Variants in RPL7L1 observed in about 807,000 individuals in gnomAD.
RPL7L1 encodes the protein ribosomal protein L7 like 1, also known as ribosomal protein uL30-like.
Under a neutral mutation model 30.3 loss-of-function variants are expected in RPL7L1, and 20 were observed. The observed-to-expected ratio is 0.66, with a 90% CI of 0.46 to 0.96. RPL7L1 has a LOEUF of 0.96. Ranked by LOEUF, RPL7L1 falls within the 40% of genes least tolerant of loss-of-function variation. The pLI, the probability that RPL7L1 is intolerant of heterozygous loss-of-function variation, is 0.00. For missense variants in RPL7L1, 271 were observed against 314.9 expected (o/e 0.86, Z 1.05); for synonymous variants, 107 against 110.1 (o/e 0.97, Z 0.18).
intron 1 of RPL7L1, 21 bp from the exon 2 acceptor site, chr6:42,880,840 G>C: frequency 7.3e-7 from 1 of 1,368,748 alleles, no homozygotes; most frequent in Non-Finnish European, 1.0e-6. Context: ...TGTTATCTCT[G>C]ATCTCAATTT....
chr6:42,885,795 A>T, intron 4 of RPL7L1, 179 bp from the exon 5 acceptor site: 2 of 543,040 alleles, frequency 3.7e-6, no homozygotes, highest in South Asian at 5.1e-5. Flanking sequence ...AAGTGGGGTC[A>T]CTTCAGTTCT....
rs1158971929 is a variant in RPL7L1, at chr6:42,886,001, A to G, written c.477A>G (p.Glu159=). ...TTCCAAATCTGAAGTCTGTCCGAGAACTCATTTTGAAACGTGGACAAGCCA... is the reference window on the plus strand; with the variant it reads ...TTCCAAATCTGAAGTCTGTCCGAGAGCTCATTTTGAAACGTGGACAAGCCA... ...WGFPNLKSVR[E]LILKRGQAKV... The change falls in exon 5 of 6, where the codon GAA becomes GAG. Residue 159 remains glutamate, a synonymous_variant. Coordinates refer to ENST00000493763, the MANE Select transcript of RPL7L1 (RefSeq NM_001366481.3). 1 of 1,607,930 alleles carries G rather than the reference A, an allele frequency of 6.2e-7. No homozygotes were observed. The highest frequency in any genetic ancestry group is 8.5e-7 in the Non-Finnish European group (1 of 1,175,822).
intron 3 of RPL7L1, 131 bp downstream of exon 3, chr6:42,883,745 A>G: frequency 1.5e-6 from 1 of 663,552 alleles, no homozygotes; most frequent in Non-Finnish European, 2.5e-6. Context: ...AGGGTTGAGC[A>G]CAATTTAGTC....
Position 42,879,961 on chromosome 6 carries a change from T to C in RPL7L1, c.41+10T>C. Reference sequence around the variant, plus strand: ...AGATGGCGGAGCAAGAGTGAGTGTTTGGGGCTTTGAATATCTGGAGTGGGG... The same window carrying C: ...AGATGGCGGAGCAAGAGTGAGTGTTCGGGGCTTTGAATATCTGGAGTGGGG... On this transcript the variant is annotated intron_variant, in intron 1 of 5. Transcript: ENST00000493763. The C allele has an allele frequency of 6.2e-7, 1 of 1,614,014 alleles. No individual in the cohort carries two copies. The highest frequency in any genetic ancestry group is 1.1e-5 in the South Asian group (1 of 91,084).
At position 42,879,876 on chromosome 6, in the gene RPL7L1, G is replaced by T; in HGVS notation, c.-35G>T. ...ACGTCTCTATGGTCAAGTAAACAGA[G>T]CGTGTGCTGTCTTCCCCATGTGGTG... On this transcript the variant is annotated 5_prime_UTR_variant, in exon 1 of 6. Coordinates refer to ENST00000493763, the MANE Select transcript of RPL7L1 (RefSeq NM_001366481.3). 6.2e-7 allele frequency: 1 copy of T among 1,611,552 alleles called. No individual in the cohort carries two copies. Among genetic ancestry groups the T allele is most frequent in the East Asian group, 2.2e-5 (1 of 44,860 alleles).
chr6:42,882,555 T>C (rs545277882), intron 2 of RPL7L1: 1 of 147,730 alleles, frequency 6.8e-6, no homozygotes, highest in African/African-American at 2.5e-5. Flanking sequence ...ATTGTGCCAC[T>C]GCACTCCAGC....
At position 42,886,095 on chromosome 6, in the gene RPL7L1, A is replaced by G. The variant is rs754322431; in HGVS notation, c.559+12A>G. 3.4e-6 allele frequency: 5 copies of G among 1,485,948 alleles called. No homozygotes were observed. Among genetic ancestry groups the G allele is most frequent in the East Asian group, 2.3e-5 (1 of 44,342 alleles). 92.0% of individuals were successfully genotyped at this position (1,485,948 alleles called of 1,614,324 possible). On this transcript the variant is annotated intron_variant, in intron 5 of 5. Transcript: ENST00000493763. ...TGAGGAGCACCTGGGTGAGTGCTAC[A>G]GCTTAGGGATCAGCTGGGGCAGAAA... is the stretch of plus-strand genomic sequence containing the variant.
Position 42,887,144 on chromosome 6 carries a change from G to A in RPL7L1, c.*680G>A, listed in dbSNP as rs1415861683. 1 of 152,136 alleles carries A rather than the reference G, an allele frequency of 6.6e-6. No individual in the cohort carries two copies. Among genetic ancestry groups the A allele is most frequent in the Non-Finnish European group, 1.5e-5 (1 of 68,042 alleles). The allele number at this position is 152,136 out of a possible 1,614,324, so 9.4% of individuals were successfully genotyped here. On this transcript the variant is annotated 3_prime_UTR_variant, in exon 6 of 6. Transcript: ENST00000493763. ...CTCTTTGAAATTACTTTTTATTGCT[G>A]TTGTCATACTCTTAGGTGCCAAACT...
At position 42,887,298 on chromosome 6, in the gene RPL7L1, G is replaced by A. The variant is rs1448771985; in HGVS notation, c.*834G>A. On this transcript the variant is annotated 3_prime_UTR_variant, in exon 6 of 6. Coordinates refer to ENST00000493763, the MANE Select transcript of RPL7L1 (RefSeq NM_001366481.3). The stretch of plus-strand genomic sequence containing the variant: ...GGAAAGGGTCAAAGAAAAGACAGTA[G>A]CTGGCCGGTCGTGGTGGCTCATGCC... 6.6e-6 allele frequency: 1 copy of A among 152,084 alleles called. No homozygotes were observed. The highest frequency in any genetic ancestry group is 2.4e-5 in the African/African-American group (1 of 41,414). The allele number at this position is 152,084 out of a possible 1,614,324, so 9.4% of individuals were successfully genotyped here. A position where few individuals can be genotyped will look rare whatever the true frequency, so the allele number is the denominator to read the frequency against.
Position 42,889,664 on chromosome 6 carries a change from TAC to T in RPL7L1, c.*3202_*3203del, listed in dbSNP as rs1331940827. ...AGCTCTGTCTTACACTAAATATGGG[TAC>T]AGTGTTTCCACTCTGTCCATAAAAT... On this transcript the variant is annotated 3_prime_UTR_variant, in exon 6 of 6. Transcript: ENST00000493763. 1.3e-5 allele frequency: 2 copies of T among 152,432 alleles called. No homozygotes were observed. The highest frequency in any genetic ancestry group is 4.8e-5 in the African/African-American group (2 of 41,458). The allele number at this position is 152,432 out of a possible 1,614,324, so 9.4% of individuals were successfully genotyped here.
chr6:42,883,023 C>T (rs1766135754), intron 2 of RPL7L1: 2 of 155,420 alleles, frequency 1.3e-5, no homozygotes, highest in Non-Finnish European at 2.9e-5. Context: ...CCGCCTCAGC[C>T]TCCTAAGTAG....
In RPL7L1 at chr6:42,886,199, C is replaced by T. The variant is rs905751897; in HGVS notation, c.560-57C>T. ...CCCAAGAGTCTGCCAGAGTGGCCAG[C>T]TTAGTATATGCTGGATACATGTTAA... On this transcript the variant is annotated intron_variant, in intron 5 of 5. Coordinates refer to ENST00000493763, the MANE Select transcript of RPL7L1 (RefSeq NM_001366481.3). 2.7e-4 allele frequency: 408 copies of T among 1,505,108 alleles called. 1 individual carries two copies. Among genetic ancestry groups the T allele is most frequent in the Non-Finnish European group, 3.3e-4 (361 of 1,082,314 alleles). 93.2% of individuals were successfully genotyped at this position (1,505,108 alleles called of 1,614,324 possible). A position where few individuals can be genotyped will look rare whatever the true frequency, so the allele number is the denominator to read the frequency against.
At position 42,879,683 on chromosome 6, in the gene RPL7L1, T is replaced by G. The variant is rs1219435923; in HGVS notation, c.-228T>G. ...TTGCTGTCCACAGCCAGGCCGCTTG[T>G]GATGAAACTGTAACTTACAAGAAAA... On this transcript the variant is annotated 5_prime_UTR_variant, in exon 1 of 6. Coordinates refer to ENST00000493763, the MANE Select transcript of RPL7L1 (RefSeq NM_001366481.3). The G allele has an allele frequency of 8.1e-6, 4 of 493,424 alleles. No individual in the cohort carries two copies. The highest frequency in any genetic ancestry group is 1.1e-5 in the Non-Finnish European group (3 of 269,030). 30.6% of individuals were successfully genotyped at this position (493,424 alleles called of 1,614,324 possible). A position where few individuals can be genotyped will look rare whatever the true frequency, so the allele number is the denominator to read the frequency against.
Position 42,879,821 on chromosome 6 carries a change from T to C in RPL7L1, c.-90T>C, listed in dbSNP as rs918421820. On this transcript the variant is annotated 5_prime_UTR_variant, in exon 1 of 6. Transcript: ENST00000493763. ...GGGCTCACTGCGGCTAAGTGAACGC[T>C]GACTGGTCCTCCAGCGTGAGCTAGA... The C allele has an allele frequency of 3.1e-5, 43 of 1,406,222 alleles. No homozygotes were observed. The East Asian group carries it at 5.3e-4, about 17-fold the overall frequency. The allele number at this position is 1,406,222 out of a possible 1,614,324, so 87.1% of individuals were successfully genotyped here.
chr6:42,880,732 C>A (rs192079305), intron 1 of RPL7L1, 129 bp from the exon 2 acceptor site: 91 of 542,256 alleles, frequency 1.7e-4, no homozygotes, highest in African/African-American at 1.5e-3. Flanking sequence ...AGGCTGGTCT[C>A]GAACTCCTGA....
At chr6:42,886,183 C>T (rs776403565) in intron 5 of RPL7L1, 73 bp from the exon 6 acceptor site, 5 of 1,455,894 alleles carry the variant, frequency 3.4e-6, no homozygotes, top group Non-Finnish European at 2.9e-6. Flanking sequence ...CCCCAAGAGT[C>T]TGCCAGAGTG....
chr6:42,886,021 A>G lies in RPL7L1; in HGVS notation c.497A>G (p.Gln166Arg). 1 of 1,611,154 alleles carries G rather than the reference A, an allele frequency of 6.2e-7. No individual in the cohort carries two copies. Among genetic ancestry groups the G allele is most frequent in the Non-Finnish European group, 8.5e-7 (1 of 1,178,472 alleles). ...CGAGAACTCATTTTGAAACGTGGAC[A>G]AGCCAAGGTCAAGAATAAGACCATC... Reference protein sequence around the residue: ...SVRELILKRGQAKVKNKTIPL... With the variant: ...SVRELILKRGRAKVKNKTIPL... Residue 166 changes from glutamine to arginine, a missense_variant, in exon 5 of 6, where the codon CAA (glutamine) becomes CGA (arginine). Gln to Arg is a conservative substitution (Grantham distance 43). Transcript: ENST00000493763.
At chr6:42,880,653 C>G in intron 1 of RPL7L1, 1 of 408,042 alleles carries the variant, frequency 2.5e-6, no homozygotes, top group Non-Finnish European at 4.5e-6. Flanking sequence ...GCTGGGATTA[C>G]AGGCGTGCGC....
At chr6:42,881,067 C>T (rs1040725004) in intron 2 of RPL7L1, 101 bp downstream of exon 2, 6 of 695,106 alleles carry the variant, frequency 8.6e-6, no homozygotes, top group Admixed American at 7.0e-5. Flanking sequence ...CTCCCCCCAA[C>T]GGTTTGACAG....
Sources: allele counts gnomAD v4.1 joint callset, GRCh38; gene constraint gnomAD v4.1.1; transcripts MANE v1.5; gene names NCBI Gene and HGNC (gene_info 2026-07-23, HGNC 2026-07-21).